GAS7: variants seen among roughly 807,000 people sequenced by gnomAD.
GAS7 encodes the protein growth arrest-specific protein 7.
In GAS7, 28 loss-of-function variants were observed where a neutral mutation model predicts 71.1. The observed-to-expected ratio is 0.39, with a 90% CI of 0.29 to 0.54. GAS7 has a LOEUF of 0.54. Among genes scored for constraint, GAS7 ranks in the 20% least tolerant of loss-of-function variants. The pLI is 0.62. For synonymous variants in GAS7, 258 were observed against 245.8 expected, an observed-to-expected ratio of 1.05 and a Z score of -0.46; for missense variants, 436 against 627.8, an observed-to-expected ratio of 0.69 and a Z score of 3.27.
At chr17:9,985,152 T>C (rs117631263) in intron 2 of GAS7, among the ~76,000 whole-genome samples, 156 of 152,262 alleles carry the variant, frequency 1.0e-3, no homozygotes, top group Middle Eastern at 3.4e-3. Context: ...GTTCCTCTTG[T>C]CTTCTCCATG....
intron 1 of GAS7, among the ~76,000 whole-genome samples, chr17:10,118,530 G>A (rs1038657856): frequency 5.9e-5 from 9 of 152,148 alleles, no homozygotes; most frequent in African/African-American, 2.2e-4. Context: ...GGCCAACACG[G>A]TAAAACCCCG....
chr17:10,008,647 A>T (rs2071630958), intron 2 of GAS7, among the ~76,000 whole-genome samples: 1 of 152,202 alleles, frequency 6.6e-6, no homozygotes, highest in Admixed American at 6.5e-5. Context: ...CTGGAAGAGA[A>T]AACAAAACCC....
chr17:9,940,658 C>T (rs1597492306), intron 7 of GAS7, among the ~76,000 whole-genome samples: 1 of 152,214 alleles, frequency 6.6e-6, no homozygotes, highest in African/African-American at 2.4e-5. Flanking sequence ...CAGAACATCT[C>T]CCTACTGTCT....
chr17:10,085,691 CAAAA>C (rs1194345705), intron 1 of GAS7, among the ~76,000 whole-genome samples: 6 of 58,248 alleles, frequency 1.0e-4, no homozygotes, highest in African/African-American at 2.7e-4. Context: ...GATTCCGTCT[CAAAA>C]AAAAAAAAAA....
chr17:9,966,161 G>A (rs1476035614), intron 4 of GAS7, among the ~76,000 whole-genome samples: 2 of 151,840 alleles, frequency 1.3e-5, no homozygotes, highest in Admixed American at 6.6e-5. Flanking sequence ...ACCACGCCCG[G>A]CTAATTTTTT....
chr17:10,180,503 A>G (rs951915720), intron 1 of GAS7, among the ~76,000 whole-genome samples: 3 of 152,074 alleles, frequency 2.0e-5, no homozygotes, highest in South Asian at 2.1e-4. Context: ...GAACACCCCC[A>G]TCCAAGGAGT....
chr17:9,997,960 T>C (rs374293797), intron 2 of GAS7, among the ~76,000 whole-genome samples: 1 of 152,164 alleles, frequency 6.6e-6, no homozygotes, highest in African/African-American at 2.4e-5. Flanking sequence ...ATGTGGTCAG[T>C]TGACCAGAAG....
chr17:10,078,968 C>T (rs746491503), intron 1 of GAS7, among the ~76,000 whole-genome samples: 4 of 151,960 alleles, frequency 2.6e-5, no homozygotes, highest in African/African-American at 4.8e-5. Context: ...GTGGGAAGAT[C>T]GCTTGAGCAG....
chr17:10,049,014 C>T (rs2073022921), intron 1 of GAS7, among the ~76,000 whole-genome samples: 1 of 152,180 alleles, frequency 6.6e-6, no homozygotes, highest in South Asian at 2.1e-4. Flanking sequence ...CCTACAAGGC[C>T]AGTGCAGATG....
chr17:9,927,290 TACACACACACACACACACACAC>T (rs371084335), intron 9 of GAS7, among the ~76,000 whole-genome samples: 4 of 116,890 alleles, frequency 3.4e-5, no homozygotes, highest in Non-Finnish European at 6.9e-5. Flanking sequence ...CTCTACTACA[TACACACACACACACACACACAC>T]ACACACACAC....
At chr17:10,086,830 C>G (rs535561093) in intron 1 of GAS7, among the ~76,000 whole-genome samples, 2 of 152,136 alleles carry the variant, frequency 1.3e-5, no homozygotes, top group East Asian at 1.9e-4. Flanking sequence ...CACCAGCTCA[C>G]GGGAACGCAT....
chr17:10,146,119 G>A (rs149771071), intron 1 of GAS7, among the ~76,000 whole-genome samples: 5 of 152,250 alleles, frequency 3.3e-5, no homozygotes, highest in Admixed American at 2.0e-4. Context: ...CCCCAAACTC[G>A]GGGGTAAAAC....
chr17:10,187,095 T>G (rs937744391), intron 1 of GAS7, among the ~76,000 whole-genome samples: 6 of 152,152 alleles, frequency 3.9e-5, no homozygotes, highest in Non-Finnish European at 7.3e-5. Context: ...AGGATTGTAT[T>G]TTTTCACTGT....
intron 1 of GAS7, among the ~76,000 whole-genome samples, chr17:10,153,118 G>A (rs1284463182): frequency 2.0e-5 from 3 of 151,036 alleles, no homozygotes; most frequent in African/African-American, 7.3e-5. Flanking sequence ...GCTTAGGCAG[G>A]AGAATTGCTT....
intron 2 of GAS7, among the ~76,000 whole-genome samples, chr17:9,994,151 G>C (rs1391381907): frequency 6.7e-6 from 1 of 149,636 alleles, no homozygotes; most frequent in Non-Finnish European, 1.5e-5. Context: ...AGCTACCAAT[G>C]CCTTTCTTCA....
chr17:10,023,749 T>C (rs75221691), intron 1 of GAS7, among the ~76,000 whole-genome samples: 1,932 of 152,342 alleles, frequency 0.013, 33 homozygotes, highest in African/African-American at 0.044. Context: ...TGGATCGTGG[T>C]AATGGTTGCA....
intron 1 of GAS7, 170 bp from the exon 2 acceptor site, chr17:10,020,067 G>A (rs982291791): frequency 4.4e-5 from 27 of 620,074 alleles, no homozygotes; most frequent in Non-Finnish European, 6.3e-5. Context: ...CCGGGGTTGC[G>A]TGAGCATGAG....
At chr17:10,013,979 C>A (rs1025245350) in intron 2 of GAS7, among the ~76,000 whole-genome samples, 1 of 152,176 alleles carries the variant, frequency 6.6e-6, no homozygotes. Flanking sequence ...TTGGTCACTG[C>A]GCAACAGTGG....
At chr17:10,124,152 G>A (rs1038511867) in intron 1 of GAS7, among the ~76,000 whole-genome samples, 10 of 152,234 alleles carry the variant, frequency 6.6e-5, no homozygotes, top group African/African-American at 2.4e-4. Flanking sequence ...GTGCCTGGGC[G>A]GGCTCCCCGC....
Sources: gnomAD v4.1 joint callset for allele counts (sites outside exome capture counted in the v4.1 genomes callset) on GRCh38, gnomAD v4.1.1 for gene constraint, MANE v1.5 for transcripts, NCBI Gene and HGNC (gene_info 2026-07-23, HGNC 2026-07-21) for gene names.